XPNPEP3: variants seen among roughly 807,000 people sequenced by gnomAD.
XPNPEP3 encodes X-prolyl aminopeptidase 3, also known as xaa-Pro aminopeptidase 3.
A neutral mutation model predicts 60.0 loss-of-function variants in XPNPEP3; 41 were observed. The ratio of observed to expected loss-of-function variants is 0.68; its 90% CI spans 0.53 to 0.89. XPNPEP3 has a LOEUF of 0.89. Among genes scored for constraint, XPNPEP3 ranks in the 40% least tolerant of loss-of-function variants. The probability of loss-of-function intolerance (pLI) is 0.00; values close to 1 mark genes in which losing one functional copy is unlikely to be tolerated. For missense variants in XPNPEP3, 598 were observed against 638.9 expected (o/e 0.94, Z 0.69); for synonymous variants, 212 against 223.2 (o/e 0.95, Z 0.45).
intron 1 of XPNPEP3, chr22:40,861,096 A>G: frequency 6.3e-7 from 1 of 1,597,356 alleles, no homozygotes; most frequent in Non-Finnish European, 8.5e-7. Context: ...CTTCTTTTGC[A>G]CCTCTTTACG....
At chr22:40,893,769 A>G (rs2058097409) in intron 4 of XPNPEP3, among the ~76,000 whole-genome samples, 1 of 151,950 alleles carries the variant, frequency 6.6e-6, no homozygotes, top group African/African-American at 2.4e-5. Context: ...GGCATGTGCC[A>G]CTACGCCTGG....
chr22:40,895,875 T>C (rs1185467292), intron 4 of XPNPEP3, among the ~76,000 whole-genome samples: 1 of 152,154 alleles, frequency 6.6e-6, no homozygotes, highest in African/African-American at 2.4e-5. Context: ...ATCCAGTAGA[T>C]GTAAAAGAGT....
At chr22:40,885,004 G>A (rs1029497227) in intron 3 of XPNPEP3, among the ~76,000 whole-genome samples, 1 of 151,642 alleles carries the variant, frequency 6.6e-6, no homozygotes, top group Non-Finnish European at 1.5e-5. Context: ...CTCCAGCCTG[G>A]GTGACAGAGC....
chr22:40,890,627 G>A (rs1322406118), intron 4 of XPNPEP3, among the ~76,000 whole-genome samples: 1 of 152,194 alleles, frequency 6.6e-6, no homozygotes, highest in Non-Finnish European at 1.5e-5. Context: ...AACACTTTGG[G>A]AGGCCAAGGT....
chr22:40,887,641 G>C (rs533046426), intron 4 of XPNPEP3, among the ~76,000 whole-genome samples: 12 of 152,122 alleles, frequency 7.9e-5, no homozygotes, highest in Middle Eastern at 3.4e-3. Context: ...AAGACATAGA[G>C]ATTAGAGCTT....
At chr22:40,917,729 A>C (rs2058201272) in intron 7 of XPNPEP3, 1 of 152,170 alleles carries the variant, frequency 6.6e-6, no homozygotes, top group Non-Finnish European at 1.5e-5. Flanking sequence ...AATCTCTACA[A>C]AAAAACATTA....
chr22:40,877,242 C>A (rs937595341), intron 2 of XPNPEP3, among the ~76,000 whole-genome samples: 2 of 152,102 alleles, frequency 1.3e-5, no homozygotes, highest in African/African-American at 4.8e-5. Flanking sequence ...ATAAAGGAAA[C>A]ACTAGCTTTT....
chr22:40,926,336 G>A lies in XPNPEP3; in HGVS notation c.1425G>A (p.Glu475=). 1 of 1,614,142 alleles carries A rather than the reference G, an allele frequency of 6.2e-7. No homozygotes were observed. Among genetic ancestry groups the A allele is most frequent in the Non-Finnish European group, 8.5e-7 (1 of 1,180,028 alleles). ...EKFRGLGVRI[E]DDVVVTQDSP... is the part of the protein sequence containing the mutation. ...TTCGGGGTCTTGGTGTACGAATTGA[G>A]GATGATGTAGTGGTGACTCAGGACT... Residue 475 remains glutamate (E), a synonymous_variant, in exon 10 of 10, where the codon GAG becomes GAA. Transcript: ENST00000357137.
At chr22:40,870,092 G>C in intron 2 of XPNPEP3, 1 of 470,860 alleles carries the variant, frequency 2.1e-6, no homozygotes, top group Non-Finnish European at 4.4e-6. Flanking sequence ...AGGAAATGCA[G>C]CTCACCACTG....
intron 1 of XPNPEP3, chr22:40,861,504 C>T (rs1227276093): frequency 1.2e-6 from 2 of 1,614,068 alleles, no homozygotes; most frequent in Middle Eastern, 1.6e-4. Context: ...GCCTTCATGC[C>T]CCAATGAACC....
intron 2 of XPNPEP3, among the ~76,000 whole-genome samples, chr22:40,873,379 A>G (rs372911213): frequency 6.6e-5 from 10 of 151,802 alleles, no homozygotes; most frequent in African/African-American, 2.4e-4. Flanking sequence ...CTGGGATTAC[A>G]TGCGTGAGCC....
At chr22:40,924,341 T>C (rs776439360) in intron 8 of XPNPEP3, 21 bp from the exon 9 acceptor site, 4 of 1,614,082 alleles carry the variant, frequency 2.5e-6, no homozygotes, top group Admixed American at 1.7e-5. Flanking sequence ...CTAATGATAC[T>C]GTGACAATTA....
intron 2 of XPNPEP3, chr22:40,870,471 C>A (rs2057999685): frequency 6.5e-6 from 1 of 154,182 alleles, no homozygotes; most frequent in Admixed American, 6.5e-5. Flanking sequence ...AAAGGGATGC[C>A]TGTCCTAATT....
intron 2 of XPNPEP3, among the ~76,000 whole-genome samples, chr22:40,873,425 G>A (rs2058015534): frequency 6.6e-6 from 1 of 151,768 alleles, no homozygotes; most frequent in Admixed American, 6.6e-5. Flanking sequence ...TTCAACTACA[G>A]CAGCAAACAG....
chr22:40,902,117 G>T (rs1401692288), intron 4 of XPNPEP3, among the ~76,000 whole-genome samples: 3 of 143,892 alleles, frequency 2.1e-5, no homozygotes, highest in Non-Finnish European at 3.0e-5. Flanking sequence ...CTGTCGCCCA[G>T]GCTGGAGTGT....
At chr22:40,884,934 A>G (rs886347749) in intron 3 of XPNPEP3, among the ~76,000 whole-genome samples, 5 of 151,614 alleles carry the variant, frequency 3.3e-5, no homozygotes, top group Admixed American at 2.6e-4. Flanking sequence ...AGGTTGAGGC[A>G]GGGGAATTGC....
chr22:40,916,680 G>C (rs1438391944), intron 7 of XPNPEP3, among the ~76,000 whole-genome samples: 1 of 152,194 alleles, frequency 6.6e-6, no homozygotes, highest in African/African-American at 2.4e-5. Context: ...GAAATGAAAA[G>C]AGGTGGAGGA....
At chr22:40,899,832 AAAAAAG>A in intron 4 of XPNPEP3, among the ~76,000 whole-genome samples, 1 of 147,892 alleles carries the variant, frequency 6.8e-6, no homozygotes, top group Non-Finnish European at 1.5e-5. Context: ...AAAAAAAAAA[AAAAAAG>A]GAATGAAGTT....
chr22:40,875,124 A>G lies in XPNPEP3; in HGVS notation c.181+6009A>G, dbSNP rs557656055. Among the ~76,000 whole-genome samples the G allele has an allele frequency of 3.9e-5, 6 of 152,230 alleles. No homozygotes were observed. In the East Asian group the frequency reaches 9.6e-4, roughly 24 times the overall value. ...ACCATGAAGCCCACCTGTTTTATAA[A>G]GTAATATATTTTATTTTCTCACCCC... On this transcript the variant is annotated intron_variant, in intron 2 of 9. Coordinates refer to ENST00000357137, the MANE Select transcript of XPNPEP3 (RefSeq NM_022098.4).
Sources: gnomAD v4.1 joint callset for allele counts (sites outside exome capture counted in the v4.1 genomes callset) on GRCh38, gnomAD v4.1.1 for gene constraint, MANE v1.5 for transcripts, NCBI Gene and HGNC (gene_info 2026-07-23, HGNC 2026-07-21) for gene names.